Variants in DOK5 observed in about 807,000 individuals in gnomAD.
DOK5 encodes downstream of tyrosine kinase 5.
A neutral mutation model predicts 43.3 loss-of-function variants in DOK5; 27 were observed. The ratio of observed to expected loss-of-function variants is 0.62; its 90% CI spans 0.46 to 0.86. The LOEUF is 0.86. Among genes scored for constraint, DOK5 ranks in the 40% least tolerant of loss-of-function variants. The pLI is 0.00. For missense variants in DOK5, 373 were observed against 392.9 expected, an observed-to-expected ratio of 0.95 and a Z score of 0.43; for synonymous variants, 146 against 140.1, an observed-to-expected ratio of 1.04 and a Z score of -0.30.
intron 1 of DOK5, among the ~76,000 whole-genome samples, chr20:54,541,338 G>A (rs961714957): frequency 6.6e-6 from 1 of 152,036 alleles, no homozygotes; most frequent in Non-Finnish European, 1.5e-5. Context: ...CTGCCCTACG[G>A]TACCTGAAGT....
At chr20:54,602,048 G>A (rs1017066734) in intron 5 of DOK5, among the ~76,000 whole-genome samples, 3 of 152,058 alleles carry the variant, frequency 2.0e-5, no homozygotes, top group Non-Finnish European at 4.4e-5. Flanking sequence ...TGCTGTTCTG[G>A]GTTGCAGCTG....
At chr20:54,603,806 A>G (rs1403953964) in intron 5 of DOK5, among the ~76,000 whole-genome samples, 2 of 152,064 alleles carry the variant, frequency 1.3e-5, no homozygotes, top group African/African-American at 4.8e-5. Context: ...TGAAACTCCT[A>G]GAACCTACGT....
At position 54,500,557 on chromosome 20, in the gene DOK5, A is replaced by ATTTTTTTTTT. The variant is rs545357915; in HGVS notation, c.66+24557_66+24566dup. 2.6e-5 allele frequency among the ~76,000 whole-genome samples: 3 copies of ATTTTTTTTTT among 115,458 alleles called. 1 individual carries two copies. Among genetic ancestry groups the ATTTTTTTTTT allele is most frequent in the African/African-American group, 1.0e-4 (3 of 29,722 alleles). 75.7% of individuals were successfully genotyped at this position (115,458 alleles called of 152,430 possible). On this transcript the variant is annotated intron_variant, in intron 1 of 7. Transcript: ENST00000262593. ...ATATTTACAATGTCATACCCAGTGT[A>ATTTTTTTTTT]TTTTTTTTTTTTTTTTTTTTTGAGA...
At position 54,475,880 on chromosome 20, in the gene DOK5, T is replaced by C; in HGVS notation, c.-67T>C. On this transcript the variant is annotated 5_prime_UTR_variant, in exon 1 of 8. Coordinates refer to ENST00000262593, the MANE Select transcript of DOK5 (RefSeq NM_018431.5). This position sits in a 1 kb window ranked among gnomAD's most constrained non-coding sequence, Gnocchi z 4.2. ...CCGACTGCTTGTCTTGACCCTGCCC[T>C]CCACCCTCCCCAGAGCCACTTCGGG... 1 of 1,592,894 alleles carries C rather than the reference T, an allele frequency of 6.3e-7. No individual in the cohort carries two copies. The highest frequency in any genetic ancestry group is 1.3e-5 in the African/African-American group (1 of 74,826).
chr20:54,548,591 T>C (rs943068036), intron 1 of DOK5, among the ~76,000 whole-genome samples: 1 of 152,178 alleles, frequency 6.6e-6, no homozygotes, highest in Non-Finnish European at 1.5e-5. Flanking sequence ...ATAAAAGATT[T>C]CTCTTTTAAA....
At chr20:54,623,966 A>C (rs1157201749) in intron 6 of DOK5, among the ~76,000 whole-genome samples, 1 of 152,204 alleles carries the variant, frequency 6.6e-6, no homozygotes, top group African/African-American at 2.4e-5. Flanking sequence ...ATAAACAGGA[A>C]ACACCAGGAA....
Position 54,475,878 on chromosome 20 carries a change from C to T in DOK5, c.-69C>T. On this transcript the variant is annotated 5_prime_UTR_variant, in exon 1 of 8. Coordinates refer to ENST00000262593, the MANE Select transcript of DOK5 (RefSeq NM_018431.5). The surrounding 1 kb of genome is among the most constrained non-coding windows in gnomAD (Gnocchi z 4.2). ...CACCGACTGCTTGTCTTGACCCTGC[C>T]CTCCACCCTCCCCAGAGCCACTTCG... The T allele has an allele frequency of 6.3e-7, 1 of 1,587,818 alleles. No homozygotes were observed. Among genetic ancestry groups the T allele is most frequent in the Admixed American group, 1.8e-5 (1 of 56,164 alleles).
chr20:54,584,641 T>C (rs886868186), intron 2 of DOK5, among the ~76,000 whole-genome samples: 5 of 150,418 alleles, frequency 3.3e-5, no homozygotes, highest in African/African-American at 1.2e-4. Context: ...TTTGTGTGTT[T>C]GTATATATGT....
At chr20:54,638,053 C>T (rs113172340) in intron 6 of DOK5, among the ~76,000 whole-genome samples, 5 of 145,602 alleles carry the variant, frequency 3.4e-5, no homozygotes, top group South Asian at 2.2e-4. Flanking sequence ...ACCCGGGAGG[C>T]GGAGCTTGCA....
intron 6 of DOK5, among the ~76,000 whole-genome samples, chr20:54,638,310 T>C (rs1978937074): frequency 6.6e-6 from 1 of 152,068 alleles, no homozygotes; most frequent in Non-Finnish European, 1.5e-5. Context: ...AGCTGACTCC[T>C]GAAGGGAAGG....
intron 6 of DOK5, among the ~76,000 whole-genome samples, chr20:54,623,500 T>G (rs1987049291): frequency 6.6e-6 from 1 of 152,190 alleles, no homozygotes; most frequent in Non-Finnish European, 1.5e-5. Flanking sequence ...TCACATGAGC[T>G]AGTGCATGTA....
intron 6 of DOK5, among the ~76,000 whole-genome samples, chr20:54,625,397 G>C (rs1395715867): frequency 6.6e-6 from 1 of 152,160 alleles, no homozygotes; most frequent in Admixed American, 6.5e-5. Context: ...TAGACGTTTG[G>C]CCAGTTGCCA....
At chr20:54,529,787 C>T (rs1281484098) in intron 1 of DOK5, among the ~76,000 whole-genome samples, 3 of 152,150 alleles carry the variant, frequency 2.0e-5, no homozygotes, top group Non-Finnish European at 4.4e-5. Context: ...GCATTGGCTT[C>T]TTTTGGAAAT....
rs1389600778 is a variant in DOK5 at position 54,588,803 on chromosome 20, A to C, written c.406A>C (p.Ser136Arg). 2 of 1,613,762 alleles carry C rather than the reference A, an allele frequency of 1.2e-6. No homozygotes were observed. The highest frequency in any genetic ancestry group is 1.7e-5 in the Admixed American group (1 of 59,958). ...LLATGVEREQ[S>R]ERFNVYLMPS... Reference sequence around the variant, plus strand: ...GGCCACTGGGGTTGAGAGAGAACAGAGTGGTATGTAAAGAAAATTCTCTCC... The same window carrying C: ...GGCCACTGGGGTTGAGAGAGAACAGCGTGGTATGTAAAGAAAATTCTCTCC... Residue 136 changes from serine (S) to arginine (R), a missense_variant, in exon 4 of 8, where the codon AGT (serine) becomes CGT (arginine). Transcript: ENST00000262593.
At chr20:54,558,224 A>T (rs757435850) in intron 2 of DOK5, among the ~76,000 whole-genome samples, 1 of 152,210 alleles carries the variant, frequency 6.6e-6, no homozygotes. Flanking sequence ...AAAAATATAA[A>T]ACCAAAGTGG....
chr20:54,570,624 GA>G (rs547562979), intron 2 of DOK5, among the ~76,000 whole-genome samples: 58 of 151,966 alleles, frequency 3.8e-4, no homozygotes, highest in Non-Finnish European at 7.1e-4. Flanking sequence ...AAAAGAAAGG[GA>G]AAAATTGGAA....
intron 6 of DOK5, among the ~76,000 whole-genome samples, chr20:54,624,296 G>GTGTT (rs1987073677): frequency 6.6e-6 from 1 of 152,158 alleles, no homozygotes; most frequent in African/African-American, 2.4e-5. Flanking sequence ...TGTGAGCCTA[G>GTGTT]TGTTTAAAGG....
chr20:54,640,270 G>A (rs6068925), intron 6 of DOK5, among the ~76,000 whole-genome samples: 20 of 152,222 alleles, frequency 1.3e-4, no homozygotes, highest in Admixed American at 3.3e-4. Context: ...CGTTATTTGA[G>A]GACCTGCGGC....
intron 5 of DOK5, among the ~76,000 whole-genome samples, chr20:54,605,040 CACACACGTAT>C (rs1490807830): frequency 1.9e-4 from 27 of 144,354 alleles, no homozygotes; most frequent in African/African-American, 6.2e-4. Flanking sequence ...CACACACACA[CACACACGTAT>C]ACACACACAC....
Sources: gnomAD v4.1 joint callset for allele counts (sites outside exome capture counted in the v4.1 genomes callset) on GRCh38, gnomAD v4.1.1 for gene constraint, Gnocchi (gnomAD v3.1) non-coding constraint, MANE v1.5 for transcripts, NCBI Gene and HGNC (gene_info 2026-07-23, HGNC 2026-07-21) for gene names.